ZNF396: variants seen among roughly 807,000 people sequenced by gnomAD.
ZNF396 encodes the protein zinc finger protein 396.
A neutral mutation model predicts 20.5 loss-of-function variants in ZNF396; 14 were observed. The ratio of observed to expected loss-of-function variants is 0.68; its 90% CI spans 0.45 to 1.07. The LOEUF is 1.07. ZNF396 is among the 50% of genes least tolerant of loss of function. The probability of loss-of-function intolerance (pLI) is 0.00; values close to 1 mark genes in which losing one functional copy is unlikely to be tolerated. For synonymous variants in ZNF396, 119 were observed against 140.6 expected, an observed-to-expected ratio of 0.85 and a Z score of 1.08; for missense variants, 347 against 390.1, an observed-to-expected ratio of 0.89 and a Z score of 0.93.
Position 35,368,294 on chromosome 18 carries a change from A to T in ZNF396, c.*921T>A. ...TTATTTTTTTCCAACACGGGAAATT[A>T]ACTTGATATTAATAGTATGGAGGCT... On this transcript the variant is annotated 3_prime_UTR_variant, in exon 4 of 4. Transcript: ENST00000589332. 1 of 988,504 alleles carries T rather than the reference A, an allele frequency of 1.0e-6. No homozygotes were observed. The highest frequency in any genetic ancestry group is 1.4e-6 in the Non-Finnish European group (1 of 707,568). The allele number at this position is 988,504 out of a possible 1,614,324, so 61.2% of individuals were successfully genotyped here. A position where few individuals can be genotyped will look rare whatever the true frequency, so the allele number is the denominator to read the frequency against.
At position 35,377,268 on chromosome 18, in the gene ZNF396, C is replaced by CA. The variant is rs2045272563; in HGVS notation, c.-73+9_-73+10insT. 2 of 137,370 alleles carry CA rather than the reference C, an allele frequency of 1.5e-5. No individual in the cohort carries two copies. The highest frequency in any genetic ancestry group is 3.4e-5 in the Non-Finnish European group (2 of 59,436). The allele number at this position is 137,370 out of a possible 1,614,324, so 8.5% of individuals were successfully genotyped here. On this transcript the variant is annotated intron_variant, in intron 1 of 3. Transcript: ENST00000589332. ...CAGCCTGGGGGCCCTAAAGAGGCCT[C>CA]GGGTCTCACCTCCCGACGCCGTCGG... is the stretch of plus-strand genomic sequence containing the variant.
chr18:35,373,406 A>G (rs1204603207), intron 3 of ZNF396, 50 bp downstream of exon 3: 1 of 1,584,796 alleles, frequency 6.3e-7, no homozygotes, highest in East Asian at 2.3e-5. Flanking sequence ...GTGTGTGGTG[A>G]GCAGAGGGCC....
intron 1 of ZNF396, among the ~76,000 whole-genome samples, chr18:35,376,800 C>T (rs1470385784): frequency 6.6e-6 from 1 of 152,178 alleles, no homozygotes; most frequent in Non-Finnish European, 1.5e-5. Flanking sequence ...TAAGGAACCC[C>T]CGACACCGCA....
chr18:35,374,389 T>C lies in ZNF396; in HGVS notation c.-72-25A>G. ...CCTTAAATATGATTAAAGAAACAAG[T>C]GGAAAGAAGACAAAAGACAAATGCT... On this transcript the variant is annotated intron_variant, in intron 1 of 3. Coordinates refer to ENST00000589332, the MANE Select transcript of ZNF396 (RefSeq NM_001322286.2). The surrounding 1 kb of genome is among the most constrained non-coding windows in gnomAD (Gnocchi z 4.3). 8.0e-7 allele frequency: 1 copy of C among 1,244,618 alleles called. No homozygotes were observed. Among genetic ancestry groups the C allele is most frequent in the Admixed American group, 2.3e-5 (1 of 42,820 alleles). 77.1% of individuals were successfully genotyped at this position (1,244,618 alleles called of 1,614,324 possible).
Position 35,369,319 on chromosome 18 carries a change from T to C in ZNF396, c.904A>G (p.Thr302Ala). 2 of 1,614,248 alleles carry C rather than the reference T, an allele frequency of 1.2e-6. No individual in the cohort carries two copies. The highest frequency in any genetic ancestry group is 8.5e-7 in the Non-Finnish European group (1 of 1,180,038). The change falls in exon 4 of 4, where the codon ACT becomes GCT. Residue 302 changes from threonine (T) to alanine (A), a missense_variant. Coordinates refer to ENST00000589332, the MANE Select transcript of ZNF396 (RefSeq NM_001322286.2). ...TGACACTTGTAGGGCTTCTCACCAG[T>C]ATGGGTTCGTCGATGCTGAATCAGA... ...AILIQHRRTH[T>A]GEKPYKCHDC...
Position 35,369,531 on chromosome 18 carries a change from G to A in ZNF396, c.692C>T (p.Thr231Ile). The A allele has an allele frequency of 6.2e-7, 1 of 1,614,064 alleles. No individual in the cohort carries two copies. The highest frequency in any genetic ancestry group is 1.3e-5 in the African/African-American group (1 of 75,036). ...TTCAAACCTACCATCTTGTTCATAG[G>A]TTCCTCTATATGTGGAACTCTGGGA... Reference protein sequence around the residue: ...NGSQSSTYRGTYEQDGRFEKR... With the variant: ...NGSQSSTYRGIYEQDGRFEKR... The change falls in exon 4 of 4, where the codon ACC becomes ATC. Residue 231 changes from threonine (T) to isoleucine (I), a missense_variant. Coordinates refer to ENST00000589332, the MANE Select transcript of ZNF396 (RefSeq NM_001322286.2).
Position 35,373,513 on chromosome 18 carries a change from G to A in ZNF396, c.505C>T (p.Pro169Ser), listed in dbSNP as rs866296045. The A allele has an allele frequency of 6.2e-7, 1 of 1,613,988 alleles. No homozygotes were observed. Among genetic ancestry groups the A allele is most frequent in the African/African-American group, 1.3e-5 (1 of 74,900 alleles). Residue 169 changes from proline to serine, a missense_variant, in exon 3 of 4, where the codon CCC becomes TCC. Pro to Ser is a moderately conservative substitution (Grantham distance 74). Coordinates refer to ENST00000589332, the MANE Select transcript of ZNF396 (RefSeq NM_001322286.2). ...TEELPSSQLM[P>S]VKKQLQGASW... ...GCTCCCTGGAGCTGCTTCTTCACGG[G>A]CATGAGCTGGCTACTTGGCAATTCC...
chr18:35,373,483 A>AT lies in ZNF396; in HGVS notation c.534dup (p.Trp179MetfsTer10). 2 of 1,614,096 alleles carry AT rather than the reference A, an allele frequency of 1.2e-6. No individual in the cohort carries two copies. The highest frequency in any genetic ancestry group is 1.7e-6 in the Non-Finnish European group (2 of 1,180,014). On this transcript the variant is annotated frameshift_variant, in exon 3 of 4. Transcript: ENST00000589332. LOFTEE classifies it low-confidence loss of function (END_TRUNC). ...TGTGGTCTTAAGGACTGAAGCTCCC[A>AT]TGATGCTCCCTGGAGCTGCTTCTTC...
In ZNF396 at chr18:35,369,677, A is replaced by G; in HGVS notation, c.563-17T>C. The G allele has an allele frequency of 6.4e-7, 1 of 1,574,428 alleles. No individual in the cohort carries two copies. The highest frequency in any genetic ancestry group is 8.6e-7 in the Non-Finnish European group (1 of 1,165,322). ...TGTCTTCATCTGAAATGGAAAAACAAATGTCACCAGGAAAGAGAAAGGATG... is the reference window on the plus strand; with the variant it reads ...TGTCTTCATCTGAAATGGAAAAACAGATGTCACCAGGAAAGAGAAAGGATG... On this transcript the variant is annotated splice_polypyrimidine_tract_variant and intron_variant, in intron 3 of 3. Transcript: ENST00000589332.
chr18:35,376,942 G>A (rs1440100700), intron 1 of ZNF396, among the ~76,000 whole-genome samples: 1 of 152,100 alleles, frequency 6.6e-6, no homozygotes, highest in Non-Finnish European at 1.5e-5. Context: ...GCTGGCTTCC[G>A]ACCATCTCCC....
intron 3 of ZNF396, among the ~76,000 whole-genome samples, chr18:35,371,298 G>GA (rs1385797838): frequency 6.6e-6 from 1 of 151,800 alleles, no homozygotes; most frequent in Non-Finnish European, 1.5e-5. Context: ...AACCTAACTT[G>GA]AAAAAATATA....
chr18:35,369,942 G>A (rs1301414916), intron 3 of ZNF396, among the ~76,000 whole-genome samples: 2 of 152,148 alleles, frequency 1.3e-5, no homozygotes, highest in African/African-American at 2.4e-5. Flanking sequence ...GAAAGAAAGG[G>A]CTTAGAAAGA....
Position 35,374,012 on chromosome 18 carries a change from AGCTCCAGGATCT to A in ZNF396, c.269_280del (p.Gln90_Glu93del). ...GGCCAGGAACTGCTCCAGCACCAGC[AGCTCCAGGATCT>A]GCTCCTTGGTGTGCACTTCCGGCCT... On this transcript the variant is annotated inframe_deletion, in exon 2 of 4. Transcript: ENST00000589332. The surrounding 1 kb of genome is among the most constrained non-coding windows in gnomAD (Gnocchi z 4.3). 1 of 1,614,252 alleles carries A rather than the reference AGCTCCAGGATCT, an allele frequency of 6.2e-7. No homozygotes were observed. The highest frequency in any genetic ancestry group is 8.5e-7 in the Non-Finnish European group (1 of 1,180,036).
Position 35,369,406 on chromosome 18 carries a change from GGA to G in ZNF396, c.815_816del (p.Ile272ThrfsTer10). 1 of 1,614,162 alleles carries G rather than the reference GGA, an allele frequency of 6.2e-7. No individual in the cohort carries two copies. The highest frequency in any genetic ancestry group is 8.5e-7 in the Non-Finnish European group (1 of 1,180,038). On this transcript the variant is annotated frameshift_variant, in exon 4 of 4. Coordinates refer to ENST00000589332, the MANE Select transcript of ZNF396 (RefSeq NM_001322286.2). LOFTEE classifies it low-confidence loss of function (END_TRUNC). ...QSSALILHQR[I>X]HSGKKPYACD... Reference sequence around the variant, plus strand: ...CATGCATAAGGTTTCTTTCCACTGTGGATTCTCTGATGTAAAATAAGGGCTGA... The same window carrying G: ...CATGCATAAGGTTTCTTTCCACTGTGTTCTCTGATGTAAAATAAGGGCTGA...
chr18:35,368,830 A>G lies in ZNF396; in HGVS notation c.*385T>C, dbSNP rs1409954836. 1.8e-5 allele frequency: 18 copies of G among 1,000,930 alleles called. No homozygotes were observed. The highest frequency in any genetic ancestry group is 1.8e-5 in the Non-Finnish European group (15 of 840,918). 62.0% of individuals were successfully genotyped at this position (1,000,930 alleles called of 1,614,324 possible). A position where few individuals can be genotyped will look rare whatever the true frequency, so the allele number is the denominator to read the frequency against. On this transcript the variant is annotated 3_prime_UTR_variant, in exon 4 of 4. Transcript: ENST00000589332. ...AGTTATGAAATGGAGGAGAATGTCTATTTTTACACTGAGTAACTCACACAT... is the reference window on the plus strand; with the variant it reads ...AGTTATGAAATGGAGGAGAATGTCTGTTTTTACACTGAGTAACTCACACAT...
At position 35,369,650 on chromosome 18, in the gene ZNF396, G is replaced by A. The variant is rs371305060; in HGVS notation, c.573C>T (p.Ile191=). The part of the protein sequence containing the change: ...LQSLRPHDED[I]KTTNVKSASR... ...AAGCAGATTTCACATTTGTAGTTTT[G>A]ATGTCTTCATCTGAAATGGAAAAAC... Residue 191 remains isoleucine, a synonymous_variant, in exon 4 of 4, where the codon ATC becomes ATT. Coordinates refer to ENST00000589332, the MANE Select transcript of ZNF396 (RefSeq NM_001322286.2). 2 of 1,594,804 alleles carry A rather than the reference G, an allele frequency of 1.3e-6. No individual in the cohort carries two copies. Among genetic ancestry groups the A allele is most frequent in the South Asian group, 1.1e-5 (1 of 87,154 alleles).
Position 35,374,492 on chromosome 18 carries a change from CTTTTA to C in ZNF396, c.-72-133_-72-129del, listed in dbSNP as rs1231045522. Reference sequence around the variant, plus strand: ...GACCTTAGTCTTAACAGAAACCATGCTTTTATTTATTTATTTATTTTTGAGATGGA... The same window carrying C: ...GACCTTAGTCTTAACAGAAACCATGCTTTATTTATTTATTTTTGAGATGGA... On this transcript the variant is annotated intron_variant, in intron 1 of 3. Coordinates refer to ENST00000589332, the MANE Select transcript of ZNF396 (RefSeq NM_001322286.2). The surrounding 1 kb of genome is among the most constrained non-coding windows in gnomAD (Gnocchi z 4.3). 2.1e-6 allele frequency: 1 copy of C among 481,428 alleles called. No individual in the cohort carries two copies. Among genetic ancestry groups the C allele is most frequent in the African/African-American group, 1.9e-5 (1 of 51,656 alleles). 29.8% of individuals were successfully genotyped at this position (481,428 alleles called of 1,614,324 possible).
Position 35,369,180 on chromosome 18 carries a change from A to G in ZNF396, c.*35T>C. On this transcript the variant is annotated 3_prime_UTR_variant, in exon 4 of 4. Transcript: ENST00000589332. The stretch of plus-strand genomic sequence containing the variant: ...CTGGTGTCTTCCCTTGTGCTGAAAT[A>G]GCTCTGAGTAAATGCTTTGATTCCC... 2 of 1,494,220 alleles carry G rather than the reference A, an allele frequency of 1.3e-6. No individual in the cohort carries two copies. The highest frequency in any genetic ancestry group is 1.8e-6 in the Non-Finnish European group (2 of 1,123,696). 92.6% of individuals were successfully genotyped at this position (1,494,220 alleles called of 1,614,324 possible). A position where few individuals can be genotyped will look rare whatever the true frequency, so the allele number is the denominator to read the frequency against.
At position 35,368,895 on chromosome 18, in the gene ZNF396, A is replaced by T. The variant is rs909265187; in HGVS notation, c.*320T>A. 31 of 1,075,326 alleles carry T rather than the reference A, an allele frequency of 2.9e-5. No individual in the cohort carries two copies. Among genetic ancestry groups the T allele is most frequent in the Non-Finnish European group, 3.3e-5 (29 of 889,130 alleles). 66.6% of individuals were successfully genotyped at this position (1,075,326 alleles called of 1,614,324 possible). On this transcript the variant is annotated 3_prime_UTR_variant, in exon 4 of 4. Coordinates refer to ENST00000589332, the MANE Select transcript of ZNF396 (RefSeq NM_001322286.2). The stretch of plus-strand genomic sequence containing the variant: ...GGAAAAAACATACTTGTCTAAAAAG[A>T]TATATACTAATTCATTATATGTGTT...
Sources: allele counts gnomAD v4.1 joint callset (sites outside exome capture counted in the v4.1 genomes callset), GRCh38; gene constraint gnomAD v4.1.1; non-coding constraint Gnocchi (gnomAD v3.1); transcripts MANE v1.5; gene names NCBI Gene and HGNC (gene_info 2026-07-23, HGNC 2026-07-21).